The following DAAM2 variants were observed in gnomAD, a reference collection of about 807,000 sequenced individuals.
The protein encoded by DAAM2 is disheveled-associated activator of morphogenesis 2.
Under a neutral mutation model 120.7 loss-of-function variants are expected in DAAM2, and 39 were observed. The observed-to-expected ratio is 0.32, with a 90% confidence interval of 0.25 to 0.42. The LOEUF is 0.42. Among genes scored for constraint, DAAM2 ranks in the 10% least tolerant of loss-of-function variants. The pLI is 1.00. For synonymous variants in DAAM2, 488 were observed against 524.9 expected (o/e 0.93, Z 0.96); for missense variants, 1,283 against 1,401.7 (o/e 0.92, Z 1.35).
intron 1 of DAAM2, among the ~76,000 whole-genome samples, chr6:39,802,027 A>T (rs1467698): frequency 0.87 from 132,380 of 152,212 alleles, 59,277 homozygotes; most frequent in Non-Finnish European, 0.99. Flanking sequence ...CTATTATAAC[A>T]CTCTATTTCT....
intron 16 of DAAM2, chr6:39,887,991 C>T (rs1277116735): frequency 1.1e-5 from 2 of 183,938 alleles, no homozygotes; most frequent in Non-Finnish European, 2.3e-5. Flanking sequence ...GAGGGCACCA[C>T]CTCCCATACT....
At chr6:39,893,375 G>A (rs371253408) in intron 19 of DAAM2, among the ~76,000 whole-genome samples, 1 of 152,080 alleles carries the variant, frequency 6.6e-6, no homozygotes, top group African/African-American at 2.4e-5. Flanking sequence ...AAAATTAGCC[G>A]GGCATGGAGG....
rs1455620769 is a variant in DAAM2 at position 39,871,592 on chromosome 6, G to A, written c.1044+20G>A. 4 of 1,548,458 alleles carry A rather than the reference G, an allele frequency of 2.6e-6. No homozygotes were observed. Among genetic ancestry groups the A allele is most frequent in the South Asian group, 1.2e-5 (1 of 83,924 alleles). ...GACATGGTGAGGAGCCAGCAGGGTG[G>A]AGCGATTGCAATGGGGTAGTAGGGT... On this transcript the variant is annotated intron_variant, in intron 9 of 24. Coordinates refer to ENST00000274867, the MANE Select transcript of DAAM2 (RefSeq NM_001201427.2).
At chr6:39,871,297 T>C (rs1562041891) in intron 8 of DAAM2, among the ~76,000 whole-genome samples, 2 of 152,120 alleles carry the variant, frequency 1.3e-5, no homozygotes, top group South Asian at 4.1e-4. Flanking sequence ...GGACCCTGGA[T>C]TGGCCTCCCT....
At position 39,856,438 on chromosome 6, in the gene DAAM2, G is replaced by A. The variant is rs751981397; in HGVS notation, c.136G>A (p.Glu46Lys). 6.0e-6 allele frequency: 9 copies of A among 1,491,386 alleles called. No homozygotes were observed. The highest frequency in any genetic ancestry group is 2.3e-5 in the Admixed American group (1 of 42,862). The allele number at this position is 1,491,386 out of a possible 1,614,324, so 92.4% of individuals were successfully genotyped here. Residue 46 changes from glutamate (E) to lysine (K), a missense_variant, in exon 2 of 25, where the codon GAG becomes AAG. Glu to Lys is a moderately conservative substitution (Grantham distance 56). Transcript: ENST00000274867. ...MEFSSPIPNA[E>K]ELNIRFAELV... ...GTTCTCCAGCCCCATCCCGAACGCA[G>A]AGGAGCTCAACATCCGCTTTGCAGA...
chr6:39,808,791 C>G (rs1762082398), intron 1 of DAAM2, among the ~76,000 whole-genome samples: 1 of 152,212 alleles, frequency 6.6e-6, no homozygotes, highest in African/African-American at 2.4e-5. Context: ...GCAGTGAACC[C>G]CTTATCGGGT....
chr6:39,879,577 CCTTT>C (rs761136339), intron 14 of DAAM2, 100 bp downstream of exon 14: 26 of 1,522,162 alleles, frequency 1.7e-5, no homozygotes, highest in Non-Finnish European at 2.4e-5. Flanking sequence ...CACTCTGGGT[CCTTT>C]CTTTGGTGGG....
chr6:39,899,033 A>G, intron 22 of DAAM2, 96 bp downstream of exon 22: 1 of 931,272 alleles, frequency 1.1e-6, no homozygotes, highest in South Asian at 1.4e-5. Context: ...GCAAAAAACA[A>G]TGGGTACAGC....
chr6:39,865,351 A>G (rs1764384086), intron 5 of DAAM2, among the ~76,000 whole-genome samples: 1 of 152,216 alleles, frequency 6.6e-6, no homozygotes, highest in Non-Finnish European at 1.5e-5. Context: ...TTATTGATTT[A>G]TTTTTGGTAA....
At chr6:39,886,319 T>C (rs1007430837) in intron 15 of DAAM2, 1 of 398,688 alleles carries the variant, frequency 2.5e-6, no homozygotes, top group Non-Finnish European at 4.4e-6. Flanking sequence ...ACAGTGTAGA[T>C]GCTGAGGGAT....
At chr6:39,897,020 C>A in intron 20 of DAAM2, 40 bp downstream of exon 20, 1 of 1,581,508 alleles carries the variant, frequency 6.3e-7, no homozygotes, top group Non-Finnish European at 8.6e-7. Flanking sequence ...TGGCCTCTAT[C>A]TCACCCTACC....
chr6:39,812,849 C>T (rs1270145374), intron 1 of DAAM2, among the ~76,000 whole-genome samples: 1 of 152,166 alleles, frequency 6.6e-6, no homozygotes, highest in African/African-American at 2.4e-5. Context: ...TGTCCTGTTT[C>T]CAAGAATCCC....
chr6:39,841,015 G>A (rs547989007), intron 1 of DAAM2, among the ~76,000 whole-genome samples: 38 of 145,648 alleles, frequency 2.6e-4, no homozygotes, highest in East Asian at 2.1e-3. Flanking sequence ...GGGGTCCCAC[G>A]GGGAGGGTTC....
chr6:39,833,520 C>A (rs943003057), intron 1 of DAAM2, among the ~76,000 whole-genome samples: 1 of 152,274 alleles, frequency 6.6e-6, no homozygotes, highest in African/African-American at 2.4e-5. Context: ...GTTGGCCAGG[C>A]TGGTCTCGAA....
chr6:39,838,250 G>A (rs1763183908), intron 1 of DAAM2, among the ~76,000 whole-genome samples: 1 of 152,214 alleles, frequency 6.6e-6, no homozygotes, highest in Admixed American at 6.5e-5. Context: ...TTTTTCTTGT[G>A]AGTTGAAGGA....
intron 2 of DAAM2, among the ~76,000 whole-genome samples, chr6:39,858,080 A>C (rs1196485960): frequency 1.3e-5 from 2 of 152,086 alleles, no homozygotes; most frequent in Admixed American, 6.5e-5. Flanking sequence ...GGTTCAGGAC[A>C]ATGACAGAGG....
intron 1 of DAAM2, among the ~76,000 whole-genome samples, chr6:39,832,002 A>G (rs1762929282): frequency 1.8e-5 from 1 of 54,654 alleles, no homozygotes; most frequent in African/African-American, 7.6e-5. Flanking sequence ...TGCACTGGGG[A>G]GGCAGGTATA....
At chr6:39,867,965 A>C in intron 6 of DAAM2, 122 bp downstream of exon 6, 1 of 873,252 alleles carries the variant, frequency 1.1e-6, no homozygotes, top group South Asian at 1.7e-5. Flanking sequence ...TGTGGTCTGC[A>C]TGCCTGCTCC....
At chr6:39,890,484 A>G (rs1765644936) in intron 17 of DAAM2, among the ~76,000 whole-genome samples, 3 of 152,242 alleles carry the variant, frequency 2.0e-5, no homozygotes, top group African/African-American at 7.2e-5. Context: ...AACCTTAGAC[A>G]TTATGCTGGG....
Sources: allele counts gnomAD v4.1 joint callset (sites outside exome capture counted in the v4.1 genomes callset), GRCh38; gene constraint gnomAD v4.1.1; transcripts MANE v1.5; gene names NCBI Gene and HGNC (gene_info 2026-07-23, HGNC 2026-07-21).